Variants in PRKDC observed in about 807,000 individuals in gnomAD.
PRKDC encodes protein kinase, DNA-activated, catalytic subunit, also known as DNA-dependent protein kinase catalytic subunit.
A neutral mutation model predicts 486.9 loss-of-function variants in PRKDC; 82 were observed. The observed-to-expected ratio is 0.17, with a 90% CI of 0.14 to 0.20. The LOEUF (loss-of-function observed/expected upper bound fraction) is 0.20, where lower values mean the gene tolerates loss of function less well. Ranked by LOEUF, PRKDC falls within the 10% of genes least tolerant of loss-of-function variation. PRKDC has a pLI of 1.00. For missense variants in PRKDC, 4,504 were observed against 5,038.2 expected (o/e 0.89, Z 3.21); for synonymous variants, 1,895 against 1,837.0 (o/e 1.03, Z -0.81).
intron 39 of PRKDC, 95 bp downstream of exon 39, chr8:47,879,396 G>A: frequency 8.4e-7 from 1 of 1,183,504 alleles, no homozygotes; most frequent in Non-Finnish European, 1.2e-6. Flanking sequence ...CAACTTCTCT[G>A]ATTGTGGATA....
rs767858150 is a variant in PRKDC at position 47,858,909 on chromosome 8, C to T, written c.6285G>A (p.Ala2095=). 1.1e-5 allele frequency: 17 copies of T among 1,613,614 alleles called. No individual in the cohort carries two copies. The highest frequency in any genetic ancestry group is 4.5e-5 in the East Asian group (2 of 44,878). The change falls in exon 47 of 86, where the codon GCG becomes GCA. Residue 2095 remains alanine, a synonymous_variant. Coordinates refer to ENST00000314191, the MANE Select transcript of PRKDC (RefSeq NM_006904.7). ...TGTGCTTGACCAGGGCCGTCAGGGGCGCCATGCACTCATGCCGATTGAGCT... is the reference window on the plus strand; with the variant it reads ...TGTGCTTGACCAGGGCCGTCAGGGGTGCCATGCACTCATGCCGATTGAGCT... ...MDELNRHECM[A]PLTALVKHMH... is the part of the protein sequence containing the mutation.
intron 84 of PRKDC, among the ~76,000 whole-genome samples, chr8:47,777,357 C>A (rs1405236913): frequency 6.6e-6 from 1 of 152,004 alleles, no homozygotes; most frequent in African/African-American, 2.4e-5. Context: ...TACAGGTGTG[C>A]GTTACCACGC....
In PRKDC at chr8:47,936,274, T is replaced by G. The variant is rs957836766; in HGVS notation, c.1278+79A>C. On this transcript the variant is annotated intron_variant, in intron 12 of 85. Transcript: ENST00000314191. ...TGTTCCCAACAGTGCCTACACTAAA[T>G]GTATTGTATGACTCCATCAAATTAT... 5.5e-6 allele frequency: 8 copies of G among 1,444,492 alleles called. No individual in the cohort carries two copies. In the East Asian group the frequency reaches 1.4e-4, roughly 25 times the overall value. The allele number at this position is 1,444,492 out of a possible 1,614,324, so 89.5% of individuals were successfully genotyped here.
Position 47,944,848 on chromosome 8 carries a change from G to C in PRKDC, c.722-819C>G, listed in dbSNP as rs572553144. ...TGATGATGATGTGATAGGAGGTGGA[G>C]AGAGAATGTGGTCAGAGAGGCCTTA... On this transcript the variant is annotated intron_variant, in intron 7 of 85. Coordinates refer to ENST00000314191, the MANE Select transcript of PRKDC (RefSeq NM_006904.7). Among the ~76,000 whole-genome samples, 5 of 152,338 alleles carry C rather than the reference G, an allele frequency of 3.3e-5. No homozygotes were observed. The South Asian group carries it at 1.0e-3, about 32-fold the overall frequency.
intron 67 of PRKDC, among the ~76,000 whole-genome samples, chr8:47,818,345 C>T (rs959296857): frequency 6.6e-6 from 1 of 151,760 alleles, no homozygotes; most frequent in Middle Eastern, 3.2e-3. Flanking sequence ...TTTGGGAGGC[C>T]GAGGCGGGCG....
intron 40 of PRKDC, among the ~76,000 whole-genome samples, chr8:47,867,387 A>C (rs925498324): frequency 3.9e-5 from 6 of 152,370 alleles, no homozygotes; most frequent in African/African-American, 1.4e-4. Context: ...CTAAAATTTG[A>C]AAGTTAAATA....
At chr8:47,793,833 C>T (rs970946694) in intron 74 of PRKDC, among the ~76,000 whole-genome samples, 2 of 152,068 alleles carry the variant, frequency 1.3e-5, no homozygotes, top group Non-Finnish European at 2.9e-5. Context: ...CAACACTACA[C>T]AGTTTGTGTA....
intron 5 of PRKDC, among the ~76,000 whole-genome samples, 188 bp from the exon 6 acceptor site, chr8:47,954,107 GT>G (rs1259892808): frequency 2.6e-5 from 4 of 152,084 alleles, no homozygotes; most frequent in African/African-American, 9.7e-5. Context: ...AATCATATTT[GT>G]CATATCTTGT....
At chr8:47,786,702 C>T (rs1220069609) in intron 76 of PRKDC, among the ~76,000 whole-genome samples, 1 of 148,668 alleles carries the variant, frequency 6.7e-6, no homozygotes, top group African/African-American at 2.5e-5. Context: ...GGGTAATAAA[C>T]CAGAAAAAAT....
intron 40 of PRKDC, among the ~76,000 whole-genome samples, chr8:47,864,993 G>A (rs1380711134): frequency 6.6e-6 from 1 of 152,176 alleles, no homozygotes; most frequent in Non-Finnish European, 1.5e-5. Flanking sequence ...TTAAAAAGAA[G>A]AATGTTTCAT....
intron 7 of PRKDC, among the ~76,000 whole-genome samples, chr8:47,949,129 G>A (rs2090586044): frequency 6.6e-6 from 1 of 152,166 alleles, no homozygotes; most frequent in Non-Finnish European, 1.5e-5. Flanking sequence ...CCGCCTTCCA[G>A]ATCCCCTTCC....
At chr8:47,795,966 CTCACTGCAACCTCCGCCTCCTGGGT>C (rs2086978005) in intron 73 of PRKDC, among the ~76,000 whole-genome samples, 1 of 151,326 alleles carries the variant, frequency 6.6e-6, no homozygotes, top group Non-Finnish European at 1.5e-5. Context: ...GCCATCTCGG[CTCACTGCAACCTCCGCCTCCTGGGT>C]TCAAGTGATT....
At chr8:47,813,912 C>G (rs1346475725) in intron 68 of PRKDC, among the ~76,000 whole-genome samples, 1 of 152,104 alleles carries the variant, frequency 6.6e-6, no homozygotes, top group Non-Finnish European at 1.5e-5. Context: ...ACATGCCTTA[C>G]TCATCTTATG....
intron 21 of PRKDC, among the ~76,000 whole-genome samples, chr8:47,925,907 A>G (rs1005091769): frequency 1.3e-5 from 2 of 152,218 alleles, no homozygotes; most frequent in Non-Finnish European, 2.9e-5. Context: ...ATACATCAAA[A>G]AAAGTTATTA....
At chr8:47,780,730 G>A (rs1008907998) in intron 80 of PRKDC, among the ~76,000 whole-genome samples, 1 of 152,142 alleles carries the variant, frequency 6.6e-6, no homozygotes, top group African/African-American at 2.4e-5. Context: ...ACGAGGTCAA[G>A]AGATCAAGAT....
chr8:47,779,238 T>A (rs541902127), intron 80 of PRKDC, 145 bp from the exon 81 acceptor site: 1 of 585,170 alleles, frequency 1.7e-6, no homozygotes, highest in East Asian at 2.9e-5. Context: ...AATATTAACA[T>A]TGAACCCACA....
At chr8:47,872,709 G>A (rs972942187) in intron 40 of PRKDC, among the ~76,000 whole-genome samples, 6 of 152,110 alleles carry the variant, frequency 3.9e-5, no homozygotes, top group Non-Finnish European at 8.8e-5. Flanking sequence ...ATTATATAAT[G>A]ATTAAGGGGT....
At chr8:47,957,948 C>T (rs2090735174) in intron 1 of PRKDC, among the ~76,000 whole-genome samples, 1 of 152,302 alleles carries the variant, frequency 6.6e-6, no homozygotes, top group South Asian at 2.1e-4. Flanking sequence ...CCCAAAGATG[C>T]CTGCATCCCA....
Position 47,855,316 on chromosome 8 carries a change from C to T in PRKDC, c.6667G>A (p.Val2223Ile), listed in dbSNP as rs773881681. ...NRLLNFLMKH[V>I]FHPKRAVFRH... is the part of the protein sequence containing the mutation. ...AACACAGCTCTTTTTGGATGAAAGA[C>T]ATGTTTCATTAGGAAATTAAGCAAT... Residue 2223 changes from valine (V) to isoleucine (I), a missense_variant, in exon 50 of 86, where the codon GTC becomes ATC. Val to Ile is a conservative substitution (Grantham distance 29). Around this residue, in one of 6 missense-constraint regions of PRKDC, gnomAD observed 1,592 missense variants for 1,724.6 expected, o/e 0.92. Coordinates refer to ENST00000314191, the MANE Select transcript of PRKDC (RefSeq NM_006904.7). 6.2e-7 allele frequency: 1 copy of T among 1,600,444 alleles called. No individual in the cohort carries two copies. Among genetic ancestry groups the T allele is most frequent in the Admixed American group, 1.7e-5 (1 of 58,192 alleles).
Sources: gnomAD v4.1 joint callset for allele counts (sites outside exome capture counted in the v4.1 genomes callset) on GRCh38, gnomAD v4.1.1 for gene constraint, gnomAD v4.1.1 regional missense constraint, MANE v1.5 for transcripts, NCBI Gene and HGNC (gene_info 2026-07-23, HGNC 2026-07-21) for gene names.